CRPPA: variants seen among roughly 807,000 people sequenced by gnomAD.
The protein encoded by CRPPA is D-ribitol-5-phosphate cytidylyltransferase.
CRPPA carries 43 observed loss-of-function variants against 52.0 expected under a neutral mutation model. That is an observed-to-expected ratio of 0.83 (90% CI 0.65 to 1.07). CRPPA has a LOEUF of 1.07. Ranked by LOEUF, CRPPA falls within the 50% of genes least tolerant of loss-of-function variation. CRPPA has a pLI of 0.00. For synonymous variants in CRPPA, 250 were observed against 203.5 expected (o/e 1.23, Z -1.94); for missense variants, 629 against 551.7 (o/e 1.14, Z -1.40).
At chr7:16,233,672 C>T (rs180819784) in intron 8 of CRPPA, among the ~76,000 whole-genome samples, 35 of 152,236 alleles carry the variant, frequency 2.3e-4, no homozygotes, top group African/African-American at 7.5e-4. Context: ...ATTAAATGGC[C>T]AGCCAGAGCA....
chr7:16,204,229 T>C (rs1166668902), intron 9 of CRPPA, among the ~76,000 whole-genome samples: 1 of 152,142 alleles, frequency 6.6e-6, no homozygotes, highest in Non-Finnish European at 1.5e-5. Flanking sequence ...GTCATAAGCA[T>C]CAGAAAACTA....
intron 5 of CRPPA, among the ~76,000 whole-genome samples, chr7:16,297,390 G>A (rs1784696135): frequency 6.6e-6 from 1 of 152,148 alleles, no homozygotes; most frequent in Non-Finnish European, 1.5e-5. Context: ...TATAGTGATA[G>A]ATATTCTAGT....
chr7:16,329,733 A>C (rs1246919973), intron 3 of CRPPA, among the ~76,000 whole-genome samples: 1 of 152,216 alleles, frequency 6.6e-6, no homozygotes, highest in South Asian at 2.1e-4. Flanking sequence ...TCATGGTCAG[A>C]GTAGGCCTTA....
Position 16,292,724 on chromosome 7 carries a change from T to C in CRPPA, c.835+8697A>G, listed in dbSNP as rs151037213. ...TACATGATTCAACAAAATGTAGTTATATATAATGTGGTTTCATAAATGTTC... is the reference window on the plus strand; with the variant it reads ...TACATGATTCAACAAAATGTAGTTACATATAATGTGGTTTCATAAATGTTC... On this transcript the variant is annotated intron_variant, in intron 5 of 9. Coordinates refer to ENST00000407010, the MANE Select transcript of CRPPA (RefSeq NM_001101426.4). Among the ~76,000 whole-genome samples, 386 of 152,112 alleles carry C rather than the reference T, an allele frequency of 2.5e-3. 2 individuals are homozygous for C. Among genetic ancestry groups the C allele is most frequent in the Non-Finnish European group, 4.1e-3 (279 of 67,864 alleles).
intron 9 of CRPPA, among the ~76,000 whole-genome samples, chr7:16,169,733 G>T (rs927211352): frequency 6.6e-6 from 1 of 152,052 alleles, no homozygotes; most frequent in South Asian, 2.1e-4. Flanking sequence ...CTCTCTCATC[G>T]ACTATATCAG....
chr7:16,090,095 T>C lies in CRPPA; in HGVS notation c.*1600A>G, dbSNP rs144165672. On this transcript the variant is annotated 3_prime_UTR_variant, in exon 10 of 10. Coordinates refer to ENST00000407010, the MANE Select transcript of CRPPA (RefSeq NM_001101426.4). ...GACATTCCTAACCACAATCCACACA[T>C]TGCTTACCTATTTCCATCCTCAAAA... 7.2e-5 allele frequency: 11 copies of C among 152,318 alleles called. No homozygotes were observed. The highest frequency in any genetic ancestry group is 6.2e-4 in the South Asian group (3 of 4,828). 9.4% of individuals were successfully genotyped at this position (152,318 alleles called of 1,614,324 possible).
intron 9 of CRPPA, among the ~76,000 whole-genome samples, chr7:16,094,975 T>C (rs56064186): frequency 0.099 from 15,008 of 152,110 alleles, 944 homozygotes; most frequent in East Asian, 0.14. Context: ...TATGGAAATC[T>C]CACTAAACTA....
intron 8 of CRPPA, among the ~76,000 whole-genome samples, chr7:16,227,129 T>A (rs1210184835): frequency 6.6e-6 from 1 of 151,968 alleles, no homozygotes; most frequent in Non-Finnish European, 1.5e-5. Context: ...ATTTTCTTTA[T>A]CTATCCATTT....
intron 3 of CRPPA, among the ~76,000 whole-genome samples, chr7:16,312,885 T>C (rs1785063672): frequency 6.6e-6 from 1 of 151,960 alleles, no homozygotes; most frequent in South Asian, 2.1e-4. Context: ...ACATTAGATT[T>C]TGAAAGTTGA....
At chr7:16,405,116 A>AT (rs1302351475) in intron 2 of CRPPA, among the ~76,000 whole-genome samples, 1 of 151,828 alleles carries the variant, frequency 6.6e-6, no homozygotes, top group African/African-American at 2.4e-5. Context: ...AAAAAAAAAA[A>AT]GCTTCTGGGC....
At chr7:16,283,729 G>C (rs2128418949) in intron 5 of CRPPA, among the ~76,000 whole-genome samples, 1 of 151,790 alleles carries the variant, frequency 6.6e-6, no homozygotes, top group East Asian at 1.9e-4. Flanking sequence ...ATTGCACAGA[G>C]ACTTTGATAT....
chr7:16,159,193 G>T (rs1392812018), intron 9 of CRPPA, among the ~76,000 whole-genome samples: 6 of 152,148 alleles, frequency 3.9e-5, no homozygotes, highest in African/African-American at 1.4e-4. Flanking sequence ...GAGGTGGGCA[G>T]ATCACCTAAG....
intron 8 of CRPPA, among the ~76,000 whole-genome samples, chr7:16,247,413 G>T (rs76838674): frequency 0.031 from 4,772 of 152,252 alleles, 252 homozygotes; most frequent in African/African-American, 0.11. Flanking sequence ...TCAAAGAGAA[G>T]GAGAGAGATG....
chr7:16,103,644 A>C (rs1454049244), intron 9 of CRPPA, among the ~76,000 whole-genome samples: 1 of 152,166 alleles, frequency 6.6e-6, no homozygotes, highest in African/African-American at 2.4e-5. Flanking sequence ...GGACACTGAT[A>C]AATCTATACT....
At chr7:16,413,383 C>G (rs866530088) in intron 1 of CRPPA, among the ~76,000 whole-genome samples, 1 of 152,204 alleles carries the variant, frequency 6.6e-6, no homozygotes, top group Admixed American at 6.5e-5. Flanking sequence ...GTACAAAATA[C>G]AAGTCCCATG....
At chr7:16,144,481 G>A (rs1782933875) in intron 9 of CRPPA, among the ~76,000 whole-genome samples, 1 of 152,216 alleles carries the variant, frequency 6.6e-6, no homozygotes, top group Admixed American at 6.5e-5. Flanking sequence ...CTTCTTGGAA[G>A]GCCAGAAGGT....
intron 3 of CRPPA, among the ~76,000 whole-genome samples, chr7:16,338,262 T>C (rs1313136937): frequency 6.6e-6 from 1 of 152,168 alleles, no homozygotes; most frequent in African/African-American, 2.4e-5. Context: ...AAACGTAATA[T>C]ACTACATTAA....
In CRPPA at chr7:16,342,798, T is replaced by TATATAGATATAGATATATAGATATA. The variant is rs1491461185; in HGVS notation, c.684+33293_684+33294insTATATCTATATATCTATATCTATAT. ...AAAAAAAAAAATATATATATATATATCTATATAGATATATAGATATACATA... is the reference window on the plus strand; with the variant it reads ...AAAAAAAAAAATATATATATATATATATATAGATATAGATATATAGATATACTATATAGATATATAGATATACATA... On this transcript the variant is annotated intron_variant, in intron 3 of 9. Transcript: ENST00000407010. Among the ~76,000 whole-genome samples the TATATAGATATAGATATATAGATATA allele has an allele frequency of 4.2e-4, 43 of 101,230 alleles. 4 individuals are homozygous for TATATAGATATAGATATATAGATATA. The highest frequency in any genetic ancestry group is 1.5e-3 in the African/African-American group (36 of 24,582). 66.4% of individuals were successfully genotyped at this position (101,230 alleles called of 152,430 possible). A position where few individuals can be genotyped will look rare whatever the true frequency, so the allele number is the denominator to read the frequency against.
intron 3 of CRPPA, among the ~76,000 whole-genome samples, chr7:16,330,164 C>A (rs1340927967): frequency 1.3e-5 from 2 of 152,120 alleles, no homozygotes; most frequent in East Asian, 3.8e-4. Flanking sequence ...ACAATTAGAA[C>A]CAATTAATTG....
Sources: gnomAD v4.1 joint callset for allele counts (sites outside exome capture counted in the v4.1 genomes callset) on GRCh38, gnomAD v4.1.1 for gene constraint, MANE v1.5 for transcripts, NCBI Gene and HGNC (gene_info 2026-07-23, HGNC 2026-07-21) for gene names.